Variants in METTL25 observed in about 807,000 individuals in gnomAD.
METTL25 encodes methyltransferase like 25.
Under a neutral mutation model 71.6 loss-of-function variants are expected in METTL25, and 64 were observed. That is an observed-to-expected ratio of 0.89 (90% CI 0.73 to 1.10). The LOEUF (loss-of-function observed/expected upper bound fraction) is 1.10. Among genes scored for constraint, METTL25 ranks in the 50% least tolerant of loss-of-function variants. METTL25 has a pLI of 0.00. For missense variants in METTL25, 807 were observed against 707.0 expected (o/e 1.14, Z -1.60); for synonymous variants, 287 against 250.3 (o/e 1.15, Z -1.38).
intron 5 of METTL25, among the ~76,000 whole-genome samples, chr12:82,424,202 A>G (rs1565853414): frequency 1.3e-5 from 2 of 152,204 alleles, no homozygotes; most frequent in Non-Finnish European, 2.9e-5. Flanking sequence ...AATACTCTGC[A>G]GCCATAAAAA....
chr12:82,418,275 A>G (rs1042684273), intron 5 of METTL25, among the ~76,000 whole-genome samples: 3 of 152,118 alleles, frequency 2.0e-5, no homozygotes, highest in Non-Finnish European at 4.4e-5. Context: ...AGAGTTGTTC[A>G]GTTTCGAACA....
chr12:82,434,898 A>G (rs1440796832), intron 7 of METTL25, among the ~76,000 whole-genome samples, 174 bp downstream of exon 7: 1 of 151,472 alleles, frequency 6.6e-6, no homozygotes, highest in African/African-American at 2.4e-5. Context: ...TGAACTTTTC[A>G]GAACTTTTGA....
chr12:82,376,112 C>T (rs1883827117), intron 1 of METTL25, among the ~76,000 whole-genome samples: 1 of 152,182 alleles, frequency 6.6e-6, no homozygotes, highest in African/African-American at 2.4e-5. Context: ...TGTGAAAGTC[C>T]ATGCTCTGAG....
intron 9 of METTL25, among the ~76,000 whole-genome samples, chr12:82,463,894 A>G (rs34761820): frequency 4.0e-5 from 6 of 151,760 alleles, no homozygotes; most frequent in African/African-American, 1.5e-4. Context: ...CTTTTGAGAA[A>G]TATCAGTGCA....
intron 1 of METTL25, among the ~76,000 whole-genome samples, chr12:82,360,028 T>C (rs978622063): frequency 2.0e-5 from 3 of 152,242 alleles, no homozygotes; most frequent in African/African-American, 7.2e-5. Context: ...AGCAGAGTCT[T>C]TGTCTGACTT....
chr12:82,444,313 T>A (rs1203179985), intron 8 of METTL25, among the ~76,000 whole-genome samples: 1 of 152,130 alleles, frequency 6.6e-6, no homozygotes, highest in African/African-American at 2.4e-5. Flanking sequence ...CAAAGCTATC[T>A]TTCAAATATG....
chr12:82,440,473 G>A (rs527656817), intron 8 of METTL25, among the ~76,000 whole-genome samples: 4 of 152,062 alleles, frequency 2.6e-5, no homozygotes, highest in Admixed American at 1.3e-4. Flanking sequence ...TGACATGACC[G>A]TTATCAAACA....
chr12:82,444,810 CAT>C (rs1890625055), intron 8 of METTL25, among the ~76,000 whole-genome samples: 1 of 152,070 alleles, frequency 6.6e-6, no homozygotes, highest in Non-Finnish European at 1.5e-5. Context: ...GCCATTCTTA[CAT>C]GCTACCTACA....
At chr12:82,422,761 CAGAG>C (rs1373667115) in intron 5 of METTL25, among the ~76,000 whole-genome samples, 6 of 152,096 alleles carry the variant, frequency 3.9e-5, no homozygotes, top group Non-Finnish European at 8.8e-5. Flanking sequence ...AACAGACAAA[CAGAG>C]AGCCAAATCA....
Position 82,413,765 on chromosome 12 carries a change from CT to C in METTL25, c.1279+10643del, listed in dbSNP as rs202154932. On this transcript the variant is annotated intron_variant, in intron 5 of 11. Coordinates refer to ENST00000248306, the MANE Select transcript of METTL25 (RefSeq NM_032230.3). ...TTATCAAGACATTTACTTTTAGTAT[CT>C]TTTTTTTCTTACTTATATTGGGTTT... Among the ~76,000 whole-genome samples the C allele has an allele frequency of 2.6e-3, 398 of 151,646 alleles. 2 individuals are homozygous for C. Among genetic ancestry groups the C allele is most frequent in the African/African-American group, 8.9e-3 (368 of 41,406 alleles).
At chr12:82,464,306 G>T (rs982875073) in intron 9 of METTL25, among the ~76,000 whole-genome samples, 1 of 151,424 alleles carries the variant, frequency 6.6e-6, no homozygotes, top group Non-Finnish European at 1.5e-5. Context: ...GAGGTGAGGT[G>T]TCTAGTTTAA....
chr12:82,358,744 C>T lies in METTL25; in HGVS notation c.179C>T (p.Ala60Val), dbSNP rs1881320789. The T allele has an allele frequency of 6.2e-7, 1 of 1,614,006 alleles. No individual in the cohort carries two copies. Among genetic ancestry groups the T allele is most frequent in the Non-Finnish European group, 8.5e-7 (1 of 1,180,040 alleles). ...LVDLPPETVL[A>V]ALRKSASETE... The stretch of plus-strand genomic sequence containing the variant: ...GACTTGCCACCGGAGACAGTGCTGG[C>T]TGCGCTGAGGAAGTCAGCGTCGGAG... Residue 60 changes from alanine (A) to valine (V), a missense_variant, in exon 1 of 12, where the codon GCT becomes GTT. Transcript: ENST00000248306.
At chr12:82,458,779 G>C (rs1006042532) in intron 9 of METTL25, among the ~76,000 whole-genome samples, 4 of 152,144 alleles carry the variant, frequency 2.6e-5, no homozygotes, top group Non-Finnish European at 4.4e-5. Context: ...TGTTTTGTCA[G>C]AGCCTAACTC....
intron 8 of METTL25, among the ~76,000 whole-genome samples, chr12:82,453,005 C>T (rs973575972): frequency 1.3e-5 from 2 of 152,100 alleles, no homozygotes; most frequent in Non-Finnish European, 2.9e-5. Flanking sequence ...GCATATACAA[C>T]ATTTAAATAA....
intron 8 of METTL25, among the ~76,000 whole-genome samples, chr12:82,448,461 G>A (rs1890905242): frequency 6.6e-6 from 1 of 151,862 alleles, no homozygotes; most frequent in Non-Finnish European, 1.5e-5. Context: ...TGCCAAGGAA[G>A]GAATTTCTTG....
chr12:82,361,090 C>T (rs927048357), intron 1 of METTL25, among the ~76,000 whole-genome samples: 1 of 152,142 alleles, frequency 6.6e-6, no homozygotes, highest in Non-Finnish European at 1.5e-5. Flanking sequence ...TATCTGACCC[C>T]ACCCACATCC....
At chr12:82,434,630 A>C in intron 6 of METTL25, 65 bp from the exon 7 acceptor site, 1 of 1,243,552 alleles carries the variant, frequency 8.0e-7, no homozygotes, top group African/African-American at 1.9e-5. Flanking sequence ...ACTCTTATAC[A>C]GTGTGTTTAT....
intron 1 of METTL25, among the ~76,000 whole-genome samples, chr12:82,384,487 A>G (rs974203151): frequency 2.0e-5 from 3 of 150,656 alleles, no homozygotes; most frequent in African/African-American, 7.3e-5. Flanking sequence ...GAAAACAAAT[A>G]AAGTACAGCA....
chr12:82,471,573 C>A (rs1445654733), intron 9 of METTL25, among the ~76,000 whole-genome samples: 1 of 152,154 alleles, frequency 6.6e-6, no homozygotes, highest in Non-Finnish European at 1.5e-5. Context: ...GAGTTCTAAT[C>A]CTAACTCTTA....
Sources: allele counts gnomAD v4.1 joint callset (sites outside exome capture counted in the v4.1 genomes callset), GRCh38; gene constraint gnomAD v4.1.1; transcripts MANE v1.5; gene names NCBI Gene and HGNC (gene_info 2026-07-23, HGNC 2026-07-21).